Variants in ANKRD12 observed in about 807,000 individuals in gnomAD.
ANKRD12 encodes the protein ankyrin repeat domain-containing protein 12.
A neutral mutation model predicts 183.4 loss-of-function variants in ANKRD12; 85 were observed. The observed-to-expected ratio is 0.46, with a 90% confidence interval of 0.39 to 0.56. The LOEUF is 0.56. Among genes scored for constraint, ANKRD12 ranks in the 20% least tolerant of loss-of-function variants. The pLI is 0.00. For missense variants in ANKRD12, 2,405 were observed against 2,357.1 expected, an observed-to-expected ratio of 1.02 and a Z score of -0.42; for synonymous variants, 914 against 800.2, an observed-to-expected ratio of 1.14 and a Z score of -2.40.
chr18:9,262,787 C>CTTTTTT lies in ANKRD12; in HGVS notation c.5665-979_5665-974dup, dbSNP rs71168048. ...GCCACCATGCCCAGCCAAGATGTCC[C>CTTTTTT]TTTTTTTTTTTTTTTTTTTTTTTTT... is the stretch of plus-strand genomic sequence containing the variant. On this transcript the variant is annotated intron_variant, in intron 9 of 12. Transcript: ENST00000262126. Among the ~76,000 whole-genome samples the CTTTTTT allele has an allele frequency of 4.8e-4, 40 of 83,768 alleles. 2 individuals carry two copies. Among genetic ancestry groups the CTTTTTT allele is most frequent in the African/African-American group, 1.9e-3 (34 of 17,624 alleles). 55.0% of individuals were successfully genotyped at this position (83,768 alleles called of 152,430 possible). A position where few individuals can be genotyped will look rare whatever the true frequency, so the allele number is the denominator to read the frequency against.
At chr18:9,209,132 G>A (rs868022633) in intron 5 of ANKRD12, among the ~76,000 whole-genome samples, 11 of 152,154 alleles carry the variant, frequency 7.2e-5, no homozygotes, top group African/African-American at 2.7e-4. Context: ...CAGCTAAGGT[G>A]TTGTGCCACA....
chr18:9,187,198 G>C (rs1230860593), intron 2 of ANKRD12, among the ~76,000 whole-genome samples: 2 of 152,122 alleles, frequency 1.3e-5, no homozygotes, highest in Admixed American at 1.3e-4. Context: ...GACCAAGGCA[G>C]GAGAATTGCT....
intron 1 of ANKRD12, among the ~76,000 whole-genome samples, chr18:9,165,877 C>T (rs9952621): frequency 0.33 from 40,284 of 122,454 alleles, 5,510 homozygotes; most frequent in South Asian, 0.49. Context: ...CCCCTCCCCC[C>T]ACCCCACAAC....
chr18:9,171,485 T>C (rs2032723682), intron 1 of ANKRD12, among the ~76,000 whole-genome samples: 1 of 152,184 alleles, frequency 6.6e-6, no homozygotes, highest in African/African-American at 2.4e-5. Flanking sequence ...TAGCTGGTTA[T>C]TTGTTAGACT....
At chr18:9,214,045 T>C (rs2035953462) in intron 6 of ANKRD12, among the ~76,000 whole-genome samples, 1 of 152,058 alleles carries the variant, frequency 6.6e-6, no homozygotes, top group African/African-American at 2.4e-5. Context: ...TTGAACTGTG[T>C]AGGTCTACTT....
intron 8 of ANKRD12, chr18:9,239,520 G>A: frequency 7.8e-7 from 1 of 1,286,752 alleles, no homozygotes; most frequent in Non-Finnish European, 1.0e-6. Flanking sequence ...ATTATTGCTT[G>A]GTCAAAGTCC....
intron 8 of ANKRD12, among the ~76,000 whole-genome samples, chr18:9,225,728 C>T (rs1254962358): frequency 6.6e-6 from 1 of 152,148 alleles, no homozygotes; most frequent in Non-Finnish European, 1.5e-5. Context: ...GAAAATTTAT[C>T]CCAAATTACC....
chr18:9,146,933 A>G (rs1209340172), intron 1 of ANKRD12, among the ~76,000 whole-genome samples: 1 of 152,234 alleles, frequency 6.6e-6, no homozygotes. Flanking sequence ...TGGTATAGTC[A>G]TGGAAGTGAC....
At chr18:9,138,870 T>C (rs2078220220) in intron 1 of ANKRD12, among the ~76,000 whole-genome samples, 3 of 152,224 alleles carry the variant, frequency 2.0e-5, no homozygotes, top group Admixed American at 2.0e-4. Context: ...ATACAGGCAC[T>C]GAATAAATTT....
chr18:9,255,878 G>T lies in ANKRD12; in HGVS notation c.2611G>T (p.Asp871Tyr). 1 of 1,593,768 alleles carries T rather than the reference G, an allele frequency of 6.3e-7. No individual in the cohort carries two copies. Among genetic ancestry groups the T allele is most frequent in the Non-Finnish European group, 8.5e-7 (1 of 1,174,288 alleles). Residue 871 changes from aspartate to tyrosine, a missense_variant, in exon 9 of 13, where the codon GAC becomes TAC. Asp to Tyr is a radical substitution (Grantham distance 160). Coordinates refer to ENST00000262126, the MANE Select transcript of ANKRD12 (RefSeq NM_015208.5). ...ATGTGTTGATAAAATAAAAGAAAAG[G>T]ACAAGCTATATTCGCATCACACAGA... ...SECVDKIKEK[D>Y]KLYSHHTEKC...
At position 9,282,185 on chromosome 18, in the gene ANKRD12, C is replaced by CA. The variant is rs2040125892; in HGVS notation, c.*1060dup. On this transcript the variant is annotated 3_prime_UTR_variant, in exon 13 of 13. Coordinates refer to ENST00000262126, the MANE Select transcript of ANKRD12 (RefSeq NM_015208.5). ...AATACGTTTAATAAATTTTATTGGT[C>CA]ATGTTAAATCATTGTAAAACTTTTT... The CA allele has an allele frequency of 6.6e-6, 1 of 152,486 alleles. No individual in the cohort carries two copies. The highest frequency in any genetic ancestry group is 1.5e-5 in the Non-Finnish European group (1 of 67,982). 9.4% of individuals were successfully genotyped at this position (152,486 alleles called of 1,614,324 possible). A position where few individuals can be genotyped will look rare whatever the true frequency, so the allele number is the denominator to read the frequency against.
chr18:9,178,194 G>A (rs950658602), intron 1 of ANKRD12, among the ~76,000 whole-genome samples: 1 of 151,966 alleles, frequency 6.6e-6, no homozygotes, highest in Admixed American at 6.6e-5. Context: ...AGAAATCTTT[G>A]TCTAATCCAA....
At chr18:9,216,444 G>T (rs1343196898) in intron 6 of ANKRD12, among the ~76,000 whole-genome samples, 1 of 152,182 alleles carries the variant, frequency 6.6e-6, no homozygotes, top group Non-Finnish European at 1.5e-5. Flanking sequence ...CATGTTACTG[G>T]TAAGGCTTCC....
chr18:9,157,604 T>TATATATATATATGTA (rs1491418837), intron 1 of ANKRD12, among the ~76,000 whole-genome samples: 10 of 45,928 alleles, frequency 2.2e-4, no homozygotes, highest in Non-Finnish European at 6.0e-4. Flanking sequence ...TATATATGTA[T>TATATATATATATGTA]TTTTTTTTTT....
intron 1 of ANKRD12, among the ~76,000 whole-genome samples, chr18:9,171,914 G>A (rs2032767276): frequency 4.6e-5 from 7 of 151,852 alleles, no homozygotes; most frequent in Admixed American, 4.6e-4. Flanking sequence ...TGGCTACTTG[G>A]GAGGCTGAGG....
chr18:9,175,337 T>C (rs918452720), intron 1 of ANKRD12, among the ~76,000 whole-genome samples: 2 of 152,120 alleles, frequency 1.3e-5, no homozygotes, highest in African/African-American at 2.4e-5. Context: ...TAGGCCACAT[T>C]GGCAACTAGA....
At chr18:9,150,041 G>T (rs1012233174) in intron 1 of ANKRD12, among the ~76,000 whole-genome samples, 1 of 151,776 alleles carries the variant, frequency 6.6e-6, no homozygotes, top group Non-Finnish European at 1.5e-5. Flanking sequence ...AGGTGATCTC[G>T]CCTCGGCCTC....
intron 1 of ANKRD12, among the ~76,000 whole-genome samples, chr18:9,181,492 T>C (rs562258071): frequency 6.6e-6 from 1 of 152,360 alleles, no homozygotes; most frequent in Admixed American, 6.5e-5. Context: ...CTTCTTGTTG[T>C]AGCCCAAGTA....
intron 8 of ANKRD12, among the ~76,000 whole-genome samples, chr18:9,241,274 T>C (rs1328239970): frequency 6.6e-6 from 1 of 152,190 alleles, no homozygotes; most frequent in Non-Finnish European, 1.5e-5. Context: ...GAGCATTTTA[T>C]AGAGTAGTTT....
Sources: gnomAD v4.1 joint callset for allele counts (sites outside exome capture counted in the v4.1 genomes callset) on GRCh38, gnomAD v4.1.1 for gene constraint, MANE v1.5 for transcripts, NCBI Gene and HGNC (gene_info 2026-07-23, HGNC 2026-07-21) for gene names.